The following RAI14 variants were observed in gnomAD, a reference collection of about 807,000 sequenced individuals.
RAI14 encodes the protein ankycorbin.
In RAI14, 45 loss-of-function variants were observed where a neutral mutation model predicts 115.4. The ratio of observed to expected loss-of-function variants is 0.39; its 90% CI spans 0.31 to 0.50. RAI14 has a LOEUF of 0.50. Among genes scored for constraint, RAI14 ranks in the 20% least tolerant of loss-of-function variants. RAI14 has a pLI of 0.85. For missense variants in RAI14, 939 were observed against 1,131.2 expected (o/e 0.83, Z 2.44); for synonymous variants, 371 against 415.4 (o/e 0.89, Z 1.30).
At position 34,692,299 on chromosome 5, in the gene RAI14, A is replaced by G. The variant is rs114438516; in HGVS notation, c.36+5344A>G. 4.9e-3 allele frequency among the ~76,000 whole-genome samples: 745 copies of G among 151,050 alleles called. 9 individuals carry two copies. Among genetic ancestry groups the G allele is most frequent in the African/African-American group, 0.016 (657 of 41,316 alleles). On this transcript the variant is annotated intron_variant, in intron 2 of 17. Coordinates refer to ENST00000265109, the MANE Select transcript of RAI14 (RefSeq NM_015577.3). Reference sequence around the variant, plus strand: ...ATAATAATAAAAGATAACAGCTCTCATGAGGATCAACAACCAACTCTACCA... The same window carrying G: ...ATAATAATAAAAGATAACAGCTCTCGTGAGGATCAACAACCAACTCTACCA...
At chr5:34,693,794 A>G (rs1377815685) in intron 2 of RAI14, among the ~76,000 whole-genome samples, 1 of 152,208 alleles carries the variant, frequency 6.6e-6, no homozygotes, top group Non-Finnish European at 1.5e-5. Context: ...AATAGATGTT[A>G]CACTGTTGCT....
intron 2 of RAI14, among the ~76,000 whole-genome samples, chr5:34,707,972 G>A (rs1168984596): frequency 6.6e-6 from 1 of 152,146 alleles, no homozygotes; most frequent in African/African-American, 2.4e-5. Context: ...ACAGGGGCGG[G>A]AAAAGAGAAA....
chr5:34,772,722 G>A (rs1484311160), intron 3 of RAI14, among the ~76,000 whole-genome samples: 3 of 152,188 alleles, frequency 2.0e-5, no homozygotes, highest in South Asian at 2.1e-4. Flanking sequence ...TTGTGCCTCC[G>A]TTGGTCCCTC....
intron 10 of RAI14, 145 bp downstream of exon 10, chr5:34,812,353 A>G: frequency 1.2e-6 from 1 of 858,092 alleles, no homozygotes; most frequent in South Asian, 1.9e-5. Context: ...TTGAATAAAT[A>G]AGTCATTGTT....
intron 7 of RAI14, among the ~76,000 whole-genome samples, chr5:34,810,172 A>G (rs1755412695): frequency 6.6e-6 from 1 of 152,240 alleles, no homozygotes; most frequent in Non-Finnish European, 1.5e-5. Flanking sequence ...ATATTGTAAC[A>G]TCTTTTCCCT....
At chr5:34,656,500 A>G (rs2149833304) in intron 1 of RAI14, 25 bp downstream of exon 1, 1 of 152,038 alleles carries the variant, frequency 6.6e-6, no homozygotes, top group Middle Eastern at 3.4e-3. Flanking sequence ...CGGAGTTGGG[A>G]GGCTCCCGGC....
In RAI14 at chr5:34,811,767, A is replaced by C; in HGVS notation, c.558A>C (p.Arg186Ser). 6.2e-7 allele frequency: 1 copy of C among 1,610,052 alleles called. No homozygotes were observed. Among genetic ancestry groups the C allele is most frequent in the Non-Finnish European group, 8.5e-7 (1 of 1,178,972 alleles). Residue 186 changes from arginine to serine, a missense_variant and splice_region_variant, in exon 9 of 18, where the codon AGA (arginine) becomes AGC (serine). Arg to Ser is a moderately radical substitution (Grantham distance 110). Transcript: ENST00000265109. ...ATTTTGTGTCTCTTTTTTCCTTTAG[A>C]ACTGCTCTCATGCTGGCCTGTGAGA... ...ADVNSRNKSGRTALMLACEIG... is the reference protein window; with the variant it reads ...ADVNSRNKSGSTALMLACEIG...
At chr5:34,704,595 G>A (rs1279945903) in intron 2 of RAI14, among the ~76,000 whole-genome samples, 1 of 152,150 alleles carries the variant, frequency 6.6e-6, no homozygotes, top group African/African-American at 2.4e-5. Flanking sequence ...GATTAAATAA[G>A]ATAGAAATGC....
intron 1 of RAI14, among the ~76,000 whole-genome samples, chr5:34,663,847 T>C (rs997634083): frequency 6.6e-6 from 1 of 152,212 alleles, no homozygotes; most frequent in Non-Finnish European, 1.5e-5. Flanking sequence ...TTTTCCTCCT[T>C]ATCCACTCTT....
chr5:34,706,341 T>G (rs1740694592), intron 2 of RAI14, among the ~76,000 whole-genome samples: 1 of 152,246 alleles, frequency 6.6e-6, no homozygotes, highest in African/African-American at 2.4e-5. Context: ...ATGTGTATCA[T>G]TTTATTTTTA....
intron 2 of RAI14, among the ~76,000 whole-genome samples, chr5:34,740,280 A>T (rs1745342171): frequency 6.6e-6 from 1 of 152,182 alleles, no homozygotes; most frequent in Non-Finnish European, 1.5e-5. Flanking sequence ...CAAACTGCAG[A>T]TTGCTGACAA....
At chr5:34,665,504 T>C (rs1426507046) in intron 1 of RAI14, among the ~76,000 whole-genome samples, 1 of 150,904 alleles carries the variant, frequency 6.6e-6, no homozygotes, top group Admixed American at 6.6e-5. Flanking sequence ...TTTTTTTTTT[T>C]TTTTCTCTAA....
chr5:34,750,603 A>G (rs1377377489), intron 2 of RAI14, among the ~76,000 whole-genome samples: 7 of 152,158 alleles, frequency 4.6e-5, no homozygotes, highest in Admixed American at 4.6e-4. Flanking sequence ...GTATGCCTCA[A>G]GGGGGATGGT....
At chr5:34,719,258 G>T (rs1034733108) in intron 2 of RAI14, among the ~76,000 whole-genome samples, 1 of 152,176 alleles carries the variant, frequency 6.6e-6, no homozygotes, top group Non-Finnish European at 1.5e-5. Context: ...TGCCCCATTG[G>T]CCCTGGCTTT....
At chr5:34,670,286 G>T (rs1579864282) in intron 1 of RAI14, among the ~76,000 whole-genome samples, 1 of 152,110 alleles carries the variant, frequency 6.6e-6, no homozygotes, top group Non-Finnish European at 1.5e-5. Flanking sequence ...TCACGTGTTG[G>T]GCTTGGAACT....
intron 3 of RAI14, among the ~76,000 whole-genome samples, chr5:34,782,152 C>T (rs898204413): frequency 6.6e-6 from 1 of 152,212 alleles, no homozygotes; most frequent in African/African-American, 2.4e-5. Flanking sequence ...AACCCACAAC[C>T]TTCAGCGTGG....
intron 2 of RAI14, among the ~76,000 whole-genome samples, chr5:34,690,923 CAT>C (rs2149895896): frequency 6.6e-6 from 1 of 151,982 alleles, no homozygotes; most frequent in South Asian, 2.1e-4. Context: ...GAGAAAAAAA[CAT>C]ATAGGAAATA....
In RAI14 at chr5:34,752,735, G is replaced by GTATA. The variant is rs1173704248; in HGVS notation, c.37-4732_37-4731insATAT. On this transcript the variant is annotated intron_variant, in intron 2 of 17. Coordinates refer to ENST00000265109, the MANE Select transcript of RAI14 (RefSeq NM_015577.3). ...TGTGTGTGTGTGTGTGTGTGTGTGT[G>GTATA]TGTGTGTGTGTGTGTATATATATAT... 1.7e-3 allele frequency among the ~76,000 whole-genome samples: 159 copies of GTATA among 90,968 alleles called. 3 individuals are homozygous for GTATA. The highest frequency in any genetic ancestry group is 3.2e-3 in the Non-Finnish European group (130 of 40,914). 59.7% of individuals were successfully genotyped at this position (90,968 alleles called of 152,430 possible). A position where few individuals can be genotyped will look rare whatever the true frequency, so the allele number is the denominator to read the frequency against.
chr5:34,807,089 C>A (rs67817900), intron 5 of RAI14, among the ~76,000 whole-genome samples: 7,422 of 152,178 alleles, frequency 0.049, 237 homozygotes, highest in Non-Finnish European at 0.065. Context: ...ACTGTTAGGA[C>A]CTCCGCATTT....
Sources: gnomAD v4.1 joint callset for allele counts (sites outside exome capture counted in the v4.1 genomes callset) on GRCh38, gnomAD v4.1.1 for gene constraint, MANE v1.5 for transcripts, NCBI Gene and HGNC (gene_info 2026-07-23, HGNC 2026-07-21) for gene names.